DAB1: variants seen among roughly 807,000 people sequenced by gnomAD.
The protein encoded by DAB1 is disabled homolog 1.
Under a neutral mutation model 64.6 loss-of-function variants are expected in DAB1, and 15 were observed. The observed-to-expected ratio is 0.23, with a 90% CI of 0.16 to 0.36. The LOEUF is 0.36. DAB1 is among the 10% of genes least tolerant of loss of function. DAB1 has a pLI of 1.00. For synonymous variants in DAB1, 235 were observed against 251.9 expected (o/e 0.93, Z 0.64); for missense variants, 596 against 706.7 (o/e 0.84, Z 1.78).
chr1:57,791,122 C>T (rs1050094197), intron 6 of DAB1, among the ~76,000 whole-genome samples: 8 of 152,088 alleles, frequency 5.3e-5, no homozygotes, highest in Admixed American at 4.6e-4. Flanking sequence ...AAATTTCTAC[C>T]CTCTAGTAGC....
chr1:58,171,620 T>C (rs1656180029), intron 4 of DAB1, among the ~76,000 whole-genome samples: 1 of 152,218 alleles, frequency 6.6e-6, no homozygotes, highest in Admixed American at 6.5e-5. Flanking sequence ...CCAGTTTCTC[T>C]TTGCCTTTGA....
chr1:57,945,455 A>T (rs1797105), intron 5 of DAB1, among the ~76,000 whole-genome samples: 16,242 of 138,022 alleles, frequency 0.12, 1,049 homozygotes, highest in African/African-American at 0.23. Context: ...TATTATTATT[A>T]TTTTGGCAGA....
chr1:57,488,220 G>A (rs150184899), intron 7 of DAB1, among the ~76,000 whole-genome samples: 2,228 of 151,976 alleles, frequency 0.015, 43 homozygotes, highest in African/African-American at 0.051. Context: ...TGGCTAACAC[G>A]GTGAAACCCT....
At chr1:58,177,582 C>T (rs1251660200) in intron 4 of DAB1, among the ~76,000 whole-genome samples, 1 of 152,036 alleles carries the variant, frequency 6.6e-6, no homozygotes, top group Non-Finnish European at 1.5e-5. Flanking sequence ...ATACACAGTG[C>T]CTGTTGTACT....
At chr1:57,638,404 G>A (rs1250998513) in intron 7 of DAB1, among the ~76,000 whole-genome samples, 2 of 152,122 alleles carry the variant, frequency 1.3e-5, no homozygotes, top group African/African-American at 4.8e-5. Flanking sequence ...CAGATGATAA[G>A]GCTGAGATCT....
chr1:57,765,035 T>C (rs1649249199), intron 6 of DAB1, among the ~76,000 whole-genome samples: 1 of 152,136 alleles, frequency 6.6e-6, no homozygotes, highest in Admixed American at 6.5e-5. Flanking sequence ...ACACAACAAA[T>C]TAGTAACAGA....
At position 57,315,147 on chromosome 1, in the gene DAB1, G is replaced by A. The variant is rs192248967; in HGVS notation, c.-136-23981C>T. On this transcript the variant is annotated intron_variant, in intron 1 of 14. Coordinates refer to ENST00000371236, the MANE Select transcript of DAB1 (RefSeq NM_001365792.1). ...GTGTTTCCTCTCTTGGCTCCTTCTT[G>A]TCTTATAGGTTTCCACTCAAATGTC... is the stretch of plus-strand genomic sequence containing the variant. Among the ~76,000 whole-genome samples, 3 of 152,130 alleles carry A rather than the reference G, an allele frequency of 2.0e-5. No individual in the cohort carries two copies. In the East Asian group the frequency reaches 5.8e-4, roughly 29 times the overall value.
chr1:57,032,992 C>T (rs1452080080), intron 9 of DAB1, among the ~76,000 whole-genome samples: 1 of 152,162 alleles, frequency 6.6e-6, no homozygotes, highest in East Asian at 1.9e-4. Flanking sequence ...AGGCGAGGCT[C>T]TACTGTCATA....
intron 1 of DAB1, among the ~76,000 whole-genome samples, chr1:57,322,730 G>A (rs1330286965): frequency 6.6e-6 from 1 of 152,166 alleles, no homozygotes; most frequent in East Asian, 1.9e-4. Flanking sequence ...GTTTAAGAAA[G>A]TACCTATATG....
At chr1:57,663,280 C>G (rs1055022944) in intron 6 of DAB1, among the ~76,000 whole-genome samples, 9 of 152,108 alleles carry the variant, frequency 5.9e-5, no homozygotes, top group African/African-American at 2.2e-4. Context: ...GGAAGTCCAC[C>G]CCATGATCCA....
chr1:58,491,773 T>G (rs940211852), intron 3 of DAB1, among the ~76,000 whole-genome samples: 3 of 152,142 alleles, frequency 2.0e-5, no homozygotes, highest in Non-Finnish European at 2.9e-5. Context: ...AGCAAGTCCT[T>G]AGAGACCTAC....
At chr1:57,706,177 GAATA>G (rs1040564089) in intron 6 of DAB1, among the ~76,000 whole-genome samples, 10 of 151,992 alleles carry the variant, frequency 6.6e-5, no homozygotes, top group African/African-American at 2.4e-4. Context: ...TTTTTGGACT[GAATA>G]AATAAATCCA....
At chr1:58,499,513 G>GATAGATAGATAGATAA (rs1557442584) in intron 3 of DAB1, among the ~76,000 whole-genome samples, 5 of 149,396 alleles carry the variant, frequency 3.3e-5, no homozygotes, top group South Asian at 2.1e-4. Flanking sequence ...TAGATAAATA[G>GATAGATAGATAGATAA]ATAGATAGAT....
At chr1:58,399,849 T>G (rs982749132) in intron 3 of DAB1, among the ~76,000 whole-genome samples, 1 of 152,122 alleles carries the variant, frequency 6.6e-6, no homozygotes, top group East Asian at 1.9e-4. Flanking sequence ...GCACTTAAAC[T>G]CAGGTCTAGA....
chr1:57,445,651 TTAGA>T (rs2101142020), intron 7 of DAB1, among the ~76,000 whole-genome samples: 1 of 152,322 alleles, frequency 6.6e-6, no homozygotes, highest in Non-Finnish European at 1.5e-5. Flanking sequence ...AATATCGACA[TTAGA>T]TAGACATTTA....
intron 9 of DAB1, among the ~76,000 whole-genome samples, chr1:57,059,843 TATAC>T (rs1650200932): frequency 6.6e-6 from 1 of 152,182 alleles, no homozygotes; most frequent in Non-Finnish European, 1.5e-5. Flanking sequence ...CACCTGTCTC[TATAC>T]CACAGCCTGA....
intron 6 of DAB1, among the ~76,000 whole-genome samples, chr1:57,687,105 C>T (rs1430024854): frequency 6.6e-6 from 1 of 152,116 alleles, no homozygotes. Context: ...AGTGAAACTA[C>T]CTCTCTTCAC....
intron 9 of DAB1, among the ~76,000 whole-genome samples, chr1:57,043,052 C>A (rs1191053721): frequency 2.6e-5 from 4 of 152,170 alleles, no homozygotes; most frequent in Admixed American, 6.5e-5. Flanking sequence ...ATGATGCCCT[C>A]CTAGCCCTAC....
intron 5 of DAB1, among the ~76,000 whole-genome samples, chr1:58,126,284 C>T (rs572033454): frequency 6.6e-6 from 1 of 152,242 alleles, no homozygotes; most frequent in East Asian, 1.9e-4. Context: ...CCCCTCAATA[C>T]TTCTCGGCCT....
Sources: gnomAD v4.1 joint callset for allele counts (sites outside exome capture counted in the v4.1 genomes callset) on GRCh38, gnomAD v4.1.1 for gene constraint, MANE v1.5 for transcripts, NCBI Gene and HGNC (gene_info 2026-07-23, HGNC 2026-07-21) for gene names.